GABRG3: variants seen among roughly 807,000 people sequenced by gnomAD.
GABRG3 encodes gamma-aminobutyric acid type A receptor subunit gamma3.
Under a neutral mutation model 48.8 loss-of-function variants are expected in GABRG3, and 25 were observed. The ratio of observed to expected loss-of-function variants is 0.51; its 90% confidence interval spans 0.37 to 0.72. The LOEUF (loss-of-function observed/expected upper bound fraction) is 0.72, where lower values mean the gene tolerates loss of function less well. Ranked by LOEUF, GABRG3 falls within the 30% of genes least tolerant of loss-of-function variation. The pLI is 0.00. For synonymous variants in GABRG3, 227 were observed against 217.6 expected (o/e 1.04, Z -0.38); for missense variants, 394 against 577.9 (o/e 0.68, Z 3.26).
At chr15:27,015,304 TG>T (rs1895757995) in intron 2 of GABRG3, among the ~76,000 whole-genome samples, 1 of 152,112 alleles carries the variant, frequency 6.6e-6, no homozygotes, top group African/African-American at 2.4e-5. Context: ...GTTGCCATTT[TG>T]TTAATTTTTT....
At chr15:27,285,278 TG>T (rs1891571481) in intron 3 of GABRG3, among the ~76,000 whole-genome samples, 1 of 149,964 alleles carries the variant, frequency 6.7e-6, no homozygotes, top group Non-Finnish European at 1.5e-5. Flanking sequence ...TGTGTGTGTG[TG>T]TGTGTGTGTG....
At chr15:27,230,942 C>A (rs1889775642) in intron 3 of GABRG3, among the ~76,000 whole-genome samples, 1 of 151,072 alleles carries the variant, frequency 6.6e-6, no homozygotes, top group African/African-American at 2.4e-5. Flanking sequence ...ATTGTTTGGT[C>A]CTTTGAATAG....
intron 1 of GABRG3, among the ~76,000 whole-genome samples, chr15:26,973,098 A>G (rs1318626965): frequency 6.6e-6 from 1 of 152,112 alleles, no homozygotes; most frequent in Non-Finnish European, 1.5e-5. Context: ...ATTGCCACCA[A>G]CTCAAACGAG....
At position 26,974,908 on chromosome 15, in the gene GABRG3, C is replaced by G. The variant is rs967035067; in HGVS notation, c.54-2094C>G. Among the ~76,000 whole-genome samples, 2 of 149,412 alleles carry G rather than the reference C, an allele frequency of 1.3e-5. No individual in the cohort carries two copies. The highest frequency in any genetic ancestry group is 2.0e-4 in the East Asian group (1 of 5,116). ...TTATTATTTGAGATGGAGTCTCGCTCTGTTGCCCAGGCTGGAGTGCAGTGA... is the reference window on the plus strand; with the variant it reads ...TTATTATTTGAGATGGAGTCTCGCTGTGTTGCCCAGGCTGGAGTGCAGTGA... On this transcript the variant is annotated intron_variant, in intron 1 of 9. Transcript: ENST00000615808. This position sits in a 1 kb window ranked among gnomAD's most constrained non-coding sequence, Gnocchi z 4.3.
At chr15:27,095,923 C>G (rs1214064802) in intron 3 of GABRG3, among the ~76,000 whole-genome samples, 1 of 152,184 alleles carries the variant, frequency 6.6e-6, no homozygotes, top group African/African-American at 2.4e-5. Flanking sequence ...CAGGACCCGC[C>G]TTCCCTTCCT....
chr15:27,096,285 G>A (rs1446356735), intron 3 of GABRG3, among the ~76,000 whole-genome samples: 1 of 152,352 alleles, frequency 6.6e-6, no homozygotes, highest in Admixed American at 6.5e-5. Context: ...ATCAGAGGAA[G>A]TCTCTGCCCT....
At chr15:27,216,754 A>ATTTATTTT (rs1889265871) in intron 3 of GABRG3, among the ~76,000 whole-genome samples, 1 of 92,914 alleles carries the variant, frequency 1.1e-5, no homozygotes, top group Non-Finnish European at 2.1e-5. Flanking sequence ...TTTATTTTTT[A>ATTTATTTT]TTTATTTATT....
In GABRG3 at chr15:27,398,574, A is replaced by T. The variant is rs540177067; in HGVS notation, c.574+69686A>T. 2.0e-5 allele frequency among the ~76,000 whole-genome samples: 3 copies of T among 152,178 alleles called. No homozygotes were observed. The East Asian group carries it at 5.8e-4, about 29-fold the overall frequency. On this transcript the variant is annotated intron_variant, in intron 5 of 9. Transcript: ENST00000615808. ...AATCACAAATATGTGCTGATTTTCTACCAATGTGGTATAGTGGAAGTGTAG... is the reference window on the plus strand; with the variant it reads ...AATCACAAATATGTGCTGATTTTCTTCCAATGTGGTATAGTGGAAGTGTAG...
rs894301812 is a variant in GABRG3 at position 27,188,827 on chromosome 15, C to T, written c.271-137982C>T. Among the ~76,000 whole-genome samples, 48 of 152,154 alleles carry T rather than the reference C, an allele frequency of 3.2e-4. 1 individual carries two copies. Among genetic ancestry groups the T allele is most frequent in the Admixed American group, 5.9e-4 (9 of 15,290 alleles). On this transcript the variant is annotated intron_variant, in intron 3 of 9. Transcript: ENST00000615808. ...CATGCCTATGTCCTGAATGGTAAAGCCTAGGTTTTCTTCTAGGGTTTTTAT... is the reference window on the plus strand; with the variant it reads ...CATGCCTATGTCCTGAATGGTAAAGTCTAGGTTTTCTTCTAGGGTTTTTAT...
At chr15:27,460,704 A>G (rs2150835389) in intron 5 of GABRG3, among the ~76,000 whole-genome samples, 1 of 152,274 alleles carries the variant, frequency 6.6e-6, no homozygotes, top group East Asian at 1.9e-4. Flanking sequence ...TGTCTAAAAA[A>G]TCTGGGGTGG....
At chr15:27,437,021 G>C (rs914922483) in intron 5 of GABRG3, among the ~76,000 whole-genome samples, 4 of 151,710 alleles carry the variant, frequency 2.6e-5, no homozygotes, top group Non-Finnish European at 4.4e-5. Context: ...GAGAGAGAGA[G>C]AGAGAGAGAG....
rs182327257 is a variant in GABRG3 at position 27,327,654 on chromosome 15, A to G, written c.491+625A>G. ...CTGCACTCCTGTCTGCTCGCCCAGC[A>G]CAGGGACTGGATGGTCCCTCCAGCA... On this transcript the variant is annotated intron_variant, in intron 4 of 9. Transcript: ENST00000615808. 5.3e-3 allele frequency among the ~76,000 whole-genome samples: 800 copies of G among 152,266 alleles called. 29 individuals carry two copies. Among genetic ancestry groups the G allele is most frequent in the Non-Finnish European group, 6.9e-4 (47 of 68,014 alleles).
chr15:27,220,189 A>G (rs1430201101), intron 3 of GABRG3, among the ~76,000 whole-genome samples: 1 of 152,160 alleles, frequency 6.6e-6, no homozygotes, highest in Non-Finnish European at 1.5e-5. Flanking sequence ...ATTTTATATC[A>G]ACACATGGAG....
Position 27,212,606 on chromosome 15 carries a change from C to G in GABRG3, c.271-114203C>G, listed in dbSNP as rs576055793. On this transcript the variant is annotated intron_variant, in intron 3 of 9. Transcript: ENST00000615808. ...TCCACCGTACCATCTTAGCCATTTT[C>G]ATGGGACCATTCACTAGTGTGAAGC... 5.3e-5 allele frequency among the ~76,000 whole-genome samples: 8 copies of G among 152,332 alleles called. No individual in the cohort carries two copies. The South Asian group carries it at 1.0e-3, about 20-fold the overall frequency.
At chr15:27,530,830 C>T (rs771797908) in intron 9 of GABRG3, 3 of 385,344 alleles carry the variant, frequency 7.8e-6, no homozygotes, top group African/African-American at 2.1e-5. Flanking sequence ...CATGAAGCAA[C>T]GAGTGGATGA....
chr15:27,490,061 G>A (rs1890312778), intron 6 of GABRG3, among the ~76,000 whole-genome samples: 1 of 152,128 alleles, frequency 6.6e-6, no homozygotes, highest in African/African-American at 2.4e-5. Context: ...AGGTTGTAAG[G>A]AAGGGGTCTA....
chr15:27,005,091 C>G (rs906382713), intron 2 of GABRG3, among the ~76,000 whole-genome samples: 2 of 152,078 alleles, frequency 1.3e-5, no homozygotes, highest in African/African-American at 2.4e-5. Flanking sequence ...ATTGGGGGTA[C>G]AGGTGGTATA....
chr15:27,121,670 C>T (rs1897734279), intron 3 of GABRG3, among the ~76,000 whole-genome samples: 1 of 152,160 alleles, frequency 6.6e-6, no homozygotes, highest in African/African-American at 2.4e-5. Flanking sequence ...TGCCCAAGGT[C>T]ATAACGCTAG....
chr15:27,495,259 GT>G (rs1890457099), intron 6 of GABRG3, among the ~76,000 whole-genome samples: 1 of 152,096 alleles, frequency 6.6e-6, no homozygotes, highest in South Asian at 2.1e-4. Context: ...TTAGCATAAC[GT>G]CCTGGATGTT....
Sources: gnomAD v4.1 joint callset for allele counts (sites outside exome capture counted in the v4.1 genomes callset) on GRCh38, gnomAD v4.1.1 for gene constraint, Gnocchi (gnomAD v3.1) non-coding constraint, MANE v1.5 for transcripts, NCBI Gene and HGNC (gene_info 2026-07-23, HGNC 2026-07-21) for gene names.